Variants in FGF5 observed in about 807,000 individuals in gnomAD.
The protein encoded by FGF5 is fibroblast growth factor 5, also known as heparin-binding growth factor 5.
A neutral mutation model predicts 21.8 loss-of-function variants in FGF5; 23 were observed. The observed-to-expected ratio is 1.05, with a 90% confidence interval of 0.76 to 1.49. The LOEUF (loss-of-function observed/expected upper bound fraction) is 1.49, where lower values mean the gene tolerates loss of function less well. Ranked by LOEUF, FGF5 falls within the 40% of genes most tolerant of loss-of-function variation. The pLI, the probability that FGF5 is intolerant of heterozygous loss-of-function variation, is 0.00. For synonymous variants in FGF5, 158 were observed against 124.0 expected (o/e 1.27, Z -1.82); for missense variants, 352 against 332.9 (o/e 1.06, Z -0.45).
At chr4:80,285,134 C>G (rs1252670491) in intron 2 of FGF5, among the ~76,000 whole-genome samples, 1 of 152,110 alleles carries the variant, frequency 6.6e-6, no homozygotes, top group Non-Finnish European at 1.5e-5. Context: ...AGGCTAAGAG[C>G]TTAATTGGCA....
Position 80,289,951 on chromosome 4 carries a change from T to C in FGF5, c.*3279T>C, listed in dbSNP as rs1256028538. The C allele has an allele frequency of 1.3e-5, 2 of 152,164 alleles. No individual in the cohort carries two copies. Among genetic ancestry groups the C allele is most frequent in the African/African-American group, 4.8e-5 (2 of 41,444 alleles). The allele number at this position is 152,164 out of a possible 1,614,324, so 9.4% of individuals were successfully genotyped here. A position where few individuals can be genotyped will look rare whatever the true frequency, so the allele number is the denominator to read the frequency against. On this transcript the variant is annotated 3_prime_UTR_variant, in exon 3 of 3. Transcript: ENST00000312465. ...AATAAAACATCATAAATCTGGTAGG[T>C]AAATTTCTTATTAAATCAATCTTGA...
At chr4:80,281,244 T>C (rs1551589) in intron 2 of FGF5, among the ~76,000 whole-genome samples, 148,941 of 152,088 alleles carry the variant, frequency 0.98, 72,934 homozygotes, top group East Asian at 1. Flanking sequence ...GAGTTTAGGG[T>C]ACCTGTCCCA....
intron 2 of FGF5, among the ~76,000 whole-genome samples, chr4:80,278,977 A>C (rs1247928250): frequency 6.6e-6 from 1 of 152,132 alleles, no homozygotes; most frequent in Non-Finnish European, 1.5e-5. Context: ...TTCTCAACAC[A>C]TTCCCATGCT....
At chr4:80,286,059 T>C (rs1345435157) in intron 2 of FGF5, among the ~76,000 whole-genome samples, 1 of 152,218 alleles carries the variant, frequency 6.6e-6, no homozygotes, top group East Asian at 1.9e-4. Flanking sequence ...AGAGTTCTGG[T>C]TACTTTTATA....
At position 80,286,661 on chromosome 4, in the gene FGF5, C is replaced by T. The variant is rs137903755; in HGVS notation, c.796C>T (p.Arg266Cys). Residue 266 changes from arginine (R) to cysteine (C), a missense_variant, in exon 3 of 3, where the codon CGC becomes TGC. Transcript: ENST00000312465. ...CTCAGTGAAATACAGACTCAAGTTT[C>T]GCTTTGGATAATATTCCTCTTGGCC... ...TNSVKYRLKF[R>C]FG is the part of the protein sequence containing the mutation. 3.3e-5 allele frequency: 54 copies of T among 1,613,014 alleles called. No individual in the cohort carries two copies. Among genetic ancestry groups the T allele is most frequent in the African/African-American group, 1.5e-4 (11 of 74,816 alleles).
At chr4:80,284,932 G>C (rs1720666609) in intron 2 of FGF5, among the ~76,000 whole-genome samples, 2 of 152,116 alleles carry the variant, frequency 1.3e-5, no homozygotes, top group South Asian at 2.1e-4. Context: ...AAAATATTTG[G>C]TATTCTCAAA....
At chr4:80,274,075 G>C (rs936645655) in intron 1 of FGF5, among the ~76,000 whole-genome samples, 2 of 152,072 alleles carry the variant, frequency 1.3e-5, no homozygotes, top group Non-Finnish European at 2.9e-5. Context: ...ATTAAGTGCA[G>C]ACTATGTGTT....
chr4:80,286,421 C>G lies in FGF5; in HGVS notation c.556C>G (p.Arg186Gly). 6.2e-7 allele frequency: 1 copy of G among 1,613,822 alleles called. No individual in the cohort carries two copies. The highest frequency in any genetic ancestry group is 8.5e-7 in the Non-Finnish European group (1 of 1,179,922). The change falls in exon 3 of 3, where the codon CGG becomes GGG. Residue 186 changes from arginine (R) to glycine (G), a missense_variant. Physicochemically the swap from Arg to Gly is moderately radical, Grantham distance 125. Coordinates refer to ENST00000312465, the MANE Select transcript of FGF5 (RefSeq NM_004464.4). Reference protein sequence around the residue: ...SAIHRTEKTGREWYVALNKRG... With the variant: ...SAIHRTEKTGGEWYVALNKRG... ...AATACATAGAACTGAAAAAACAGGG[C>G]GGGAGTGGTATGTGGCCCTGAATAA...
chr4:80,268,703 A>C (rs928535105), intron 1 of FGF5: 1 of 242,150 alleles, frequency 4.1e-6, no homozygotes, highest in Non-Finnish European at 6.7e-6. Context: ...GATCGCGCTG[A>C]TTCAGCAGCC....
chr4:80,290,191 G>A lies in FGF5; in HGVS notation c.*3519G>A, dbSNP rs1720853632. 1.3e-5 allele frequency: 2 copies of A among 151,788 alleles called. No individual in the cohort carries two copies. Among genetic ancestry groups the A allele is most frequent in the East Asian group, 1.9e-4 (1 of 5,172 alleles). 9.4% of individuals were successfully genotyped at this position (151,788 alleles called of 1,614,324 possible). On this transcript the variant is annotated 3_prime_UTR_variant, in exon 3 of 3. Coordinates refer to ENST00000312465, the MANE Select transcript of FGF5 (RefSeq NM_004464.4). ...GCAGACATTGCTGCAATGGGAAGCA[G>A]ACAATAACTTCTTAAAGGAATTCTA...
chr4:80,273,186 T>G (rs1242179468), intron 1 of FGF5, among the ~76,000 whole-genome samples: 4 of 151,862 alleles, frequency 2.6e-5, no homozygotes, highest in Admixed American at 2.6e-4. Flanking sequence ...TTTTTTTCAG[T>G]TTCCTTCTAA....
At chr4:80,282,251 C>T (rs961329979) in intron 2 of FGF5, among the ~76,000 whole-genome samples, 9 of 152,146 alleles carry the variant, frequency 5.9e-5, no homozygotes, top group East Asian at 3.8e-4. Context: ...TGTGAGCCAC[C>T]GTACCCAGCA....
chr4:80,282,533 T>C (rs1034297593), intron 2 of FGF5, among the ~76,000 whole-genome samples: 3 of 152,212 alleles, frequency 2.0e-5, no homozygotes, highest in African/African-American at 4.8e-5. Flanking sequence ...GGCAGGACCA[T>C]GTTAATACTG....
intron 2 of FGF5, among the ~76,000 whole-genome samples, chr4:80,285,603 A>G (rs985314148): frequency 6.6e-6 from 1 of 152,144 alleles, no homozygotes; most frequent in African/African-American, 2.4e-5. Context: ...ACGGATGTCT[A>G]CTTGTCTGCT....
chr4:80,273,678 C>A (rs1366849391), intron 1 of FGF5, among the ~76,000 whole-genome samples: 3 of 151,928 alleles, frequency 2.0e-5, no homozygotes, highest in Non-Finnish European at 4.4e-5. Context: ...CCATCCCTTT[C>A]CTTCTTTGTT....
chr4:80,288,525 TG>T lies in FGF5; in HGVS notation c.*1854del, dbSNP rs1720803816. ...AGTATTTCTGGGTTAAATGAAACAA[TG>T]AAATTTTTTAGTATGTTCAACTCTC... On this transcript the variant is annotated 3_prime_UTR_variant, in exon 3 of 3. Coordinates refer to ENST00000312465, the MANE Select transcript of FGF5 (RefSeq NM_004464.4). The T allele has an allele frequency of 6.6e-6, 1 of 152,120 alleles. No individual in the cohort carries two copies. Among genetic ancestry groups the T allele is most frequent in the African/African-American group, 2.4e-5 (1 of 41,446 alleles). The allele number at this position is 152,120 out of a possible 1,614,324, so 9.4% of individuals were successfully genotyped here.
At chr4:80,279,418 T>C (rs534058000) in intron 2 of FGF5, among the ~76,000 whole-genome samples, 23 of 152,330 alleles carry the variant, frequency 1.5e-4, no homozygotes, top group African/African-American at 5.3e-4. Flanking sequence ...AATCTTTTTC[T>C]TTCTGATTTT....
rs1188368727 is a variant in FGF5 at position 80,283,109 on chromosome 4, G to T, written c.460-3216G>T. Among the ~76,000 whole-genome samples, 4 of 152,272 alleles carry T rather than the reference G, an allele frequency of 2.6e-5. No individual in the cohort carries two copies. In the East Asian group the frequency reaches 7.7e-4, roughly 29 times the overall value. On this transcript the variant is annotated intron_variant, in intron 2 of 2. Coordinates refer to ENST00000312465, the MANE Select transcript of FGF5 (RefSeq NM_004464.4). The stretch of plus-strand genomic sequence containing the variant: ...ATTCACTGAAATGTTTGTTTCAAAT[G>T]ATTCTGTGTTCCATCACAGCTGGAA...
Position 80,289,668 on chromosome 4 carries a change from A to G in FGF5, c.*2996A>G, listed in dbSNP as rs1720842176. On this transcript the variant is annotated 3_prime_UTR_variant, in exon 3 of 3. Transcript: ENST00000312465. ...TAAATAGAAATTTTCAATAAGATGT[A>G]GTAACACTGTGATTTATCTTTCAAG... is the stretch of plus-strand genomic sequence containing the variant. The G allele has an allele frequency of 6.6e-6, 1 of 151,490 alleles. No individual in the cohort carries two copies. Among genetic ancestry groups the G allele is most frequent in the South Asian group, 2.1e-4 (1 of 4,836 alleles). The allele number at this position is 151,490 out of a possible 1,614,324, so 9.4% of individuals were successfully genotyped here.
Sources: gnomAD v4.1 joint callset for allele counts (sites outside exome capture counted in the v4.1 genomes callset) on GRCh38, gnomAD v4.1.1 for gene constraint, MANE v1.5 for transcripts, NCBI Gene and HGNC (gene_info 2026-07-23, HGNC 2026-07-21) for gene names.